The following TOPBP1 variants were observed in gnomAD, a reference collection of about 807,000 sequenced individuals.
TOPBP1 encodes the protein DNA topoisomerase II binding protein 1, also known as DNA topoisomerase 2-binding protein 1.
TOPBP1 carries 28 observed loss-of-function variants against 167.7 expected under a neutral mutation model. The ratio of observed to expected loss-of-function variants is 0.17; its 90% CI spans 0.12 to 0.23. TOPBP1 has a LOEUF of 0.23. Ranked by LOEUF, TOPBP1 falls within the 10% of genes least tolerant of loss-of-function variation. The pLI, the probability that TOPBP1 is intolerant of heterozygous loss-of-function variation, is 1.00. For missense variants in TOPBP1, 1,554 were observed against 1,809.6 expected, an observed-to-expected ratio of 0.86 and a Z score of 2.56; for synonymous variants, 598 against 611.4, an observed-to-expected ratio of 0.98 and a Z score of 0.32.
At chr3:133,656,941 G>A (rs2718801) in intron 4 of TOPBP1, 84 bp from the exon 5 acceptor site, 1,000,927 of 1,255,574 alleles carry the variant, frequency 0.8, 400,544 homozygotes, top group East Asian at 0.99. Context: ...AATACATTTT[G>A]CTGTTGACAG....
At chr3:133,614,516 T>A (rs1417471340) in intron 23 of TOPBP1, among the ~76,000 whole-genome samples, 3 of 152,200 alleles carry the variant, frequency 2.0e-5, no homozygotes, top group Non-Finnish European at 4.4e-5. Context: ...CTCTTTGCAT[T>A]CTAATATTGG....
At position 133,644,324 on chromosome 3, in the gene TOPBP1, G is replaced by A. The variant is rs1329522652; in HGVS notation, c.1544C>T (p.Ser515Phe). ...KTSEARPFND[S>F]THAEPLNDST... is the part of the protein sequence containing the mutation. The stretch of plus-strand genomic sequence containing the variant: ...ATCATTCAAGGGCTCAGCATGAGTA[G>A]AATCATTAAAGGGCCTGGCTTCAGA... Residue 515 changes from serine to phenylalanine, a missense_variant, in exon 11 of 28, where the codon TCT (serine) becomes TTT (phenylalanine). Coordinates refer to ENST00000260810, the MANE Select transcript of TOPBP1 (RefSeq NM_007027.4). 2 of 1,601,474 alleles carry A rather than the reference G, an allele frequency of 1.2e-6. No homozygotes were observed. Among genetic ancestry groups the A allele is most frequent in the Non-Finnish European group, 1.7e-6 (2 of 1,174,792 alleles).
At chr3:133,620,034 TG>T in intron 20 of TOPBP1, 120 bp downstream of exon 20, 1 of 1,051,346 alleles carries the variant, frequency 9.5e-7, no homozygotes, top group Non-Finnish European at 1.3e-6. Flanking sequence ...TACTGCATAT[TG>T]GGGAAAAAAA....
At chr3:133,651,981 T>A (rs758547232) in intron 8 of TOPBP1, among the ~76,000 whole-genome samples, 7 of 151,888 alleles carry the variant, frequency 4.6e-5, no homozygotes, top group Non-Finnish European at 8.8e-5. Context: ...AAAAAAATTT[T>A]AAAAATTAGC....
intron 4 of TOPBP1, among the ~76,000 whole-genome samples, chr3:133,657,465 T>C (rs369391647): frequency 3.3e-5 from 5 of 150,574 alleles, no homozygotes; most frequent in South Asian, 4.2e-4. Flanking sequence ...CACTGCAACC[T>C]CCACCTCCCT....
chr3:133,626,614 T>C (rs1198129815), intron 16 of TOPBP1, among the ~76,000 whole-genome samples: 1 of 152,214 alleles, frequency 6.6e-6, no homozygotes, highest in Non-Finnish European at 1.5e-5. Context: ...CTGCTACTCA[T>C]GGTATCTGAG....
intron 21 of TOPBP1, 163 bp from the exon 22 acceptor site, chr3:133,617,489 A>C (rs1934938338): frequency 1.6e-6 from 1 of 613,282 alleles, no homozygotes; most frequent in Admixed American, 3.8e-5. Context: ...CTTATAAATA[A>C]ATGCATCCCA....
intron 14 of TOPBP1, among the ~76,000 whole-genome samples, chr3:133,632,672 T>C (rs1935527020): frequency 6.6e-6 from 1 of 152,222 alleles, no homozygotes; most frequent in South Asian, 2.1e-4. Flanking sequence ...ACTTAAGAAG[T>C]AGATCCCAAT....
At chr3:133,610,910 T>G in intron 25 of TOPBP1, 94 bp downstream of exon 25, 7 of 1,340,836 alleles carry the variant, frequency 5.2e-6, no homozygotes, top group Non-Finnish European at 6.9e-6. Context: ...AGTAGAATCA[T>G]TATTTCCTGA....
intron 20 of TOPBP1, among the ~76,000 whole-genome samples, 162 bp downstream of exon 20, chr3:133,619,993 T>C (rs1935027478): frequency 6.6e-6 from 1 of 152,202 alleles, no homozygotes; most frequent in South Asian, 2.1e-4. Flanking sequence ...TATAACCCCT[T>C]CACTAGTCTT....
Position 133,640,127 on chromosome 3 carries a change from T to C in TOPBP1, c.2065A>G (p.Met689Val), listed in dbSNP as rs373470458. The C allele has an allele frequency of 1.9e-6, 3 of 1,613,798 alleles. No homozygotes were observed. Among genetic ancestry groups the C allele is most frequent in the African/African-American group, 1.3e-5 (1 of 75,054 alleles). Residue 689 changes from methionine (M) to valine (V), a missense_variant, in exon 13 of 28, where the codon ATG becomes GTG. Physicochemically the swap from Met to Val is conservative, Grantham distance 21 (BLOSUM62 1). Transcript: ENST00000260810. ...AGTATAAGATGAGTACTGGCAAACA[T>C]GCCTTTCTTTGCATTGGATTTGCGA... is the stretch of plus-strand genomic sequence containing the variant. ...FVRKSNAKKG[M>V]FASTHLILKE...
At chr3:133,631,716 G>A (rs1935487666) in intron 14 of TOPBP1, among the ~76,000 whole-genome samples, 1 of 152,140 alleles carries the variant, frequency 6.6e-6, no homozygotes, top group African/African-American at 2.4e-5. Context: ...TTGGTGCAAT[G>A]CAATCTCTGC....
In TOPBP1 at chr3:133,639,946, T is replaced by A; in HGVS notation, c.2233+13A>T. 7 of 1,611,134 alleles carry A rather than the reference T, an allele frequency of 4.3e-6. No individual in the cohort carries two copies. Among genetic ancestry groups the A allele is most frequent in the Non-Finnish European group, 5.9e-6 (7 of 1,178,142 alleles). ...TGTAAATATATATAAAAGAACAGAA[T>A]AAAAGTATTAACCTTCTTTAGTTGA... On this transcript the variant is annotated intron_variant, in intron 13 of 27. Transcript: ENST00000260810.
chr3:133,628,819 G>C (rs937250927), intron 14 of TOPBP1, 86 bp from the exon 15 acceptor site: 19 of 1,322,562 alleles, frequency 1.4e-5, no homozygotes, highest in Non-Finnish European at 8.3e-6. Context: ...GAAAAAGAAA[G>C]AGGAGGAGAG....
At chr3:133,645,954 C>T (rs1936061295) in intron 10 of TOPBP1, among the ~76,000 whole-genome samples, 1 of 152,020 alleles carries the variant, frequency 6.6e-6, no homozygotes, top group Non-Finnish European at 1.5e-5. Flanking sequence ...CAAGAGCAGC[C>T]TGGCCAACAT....
At chr3:133,654,893 T>C (rs1936424355) in intron 6 of TOPBP1, among the ~76,000 whole-genome samples, 1 of 152,238 alleles carries the variant, frequency 6.6e-6, no homozygotes. Flanking sequence ...AAGTAAAAGC[T>C]GTTCTGTAAA....
At chr3:133,653,213 T>A in intron 7 of TOPBP1, 132 bp downstream of exon 7, 1 of 859,384 alleles carries the variant, frequency 1.2e-6, no homozygotes, top group Middle Eastern at 3.6e-4. Flanking sequence ...TTGACTATTA[T>A]ACAATTATGC....
intron 14 of TOPBP1, among the ~76,000 whole-genome samples, chr3:133,632,062 C>T (rs1053229549): frequency 6.6e-6 from 1 of 152,220 alleles, no homozygotes; most frequent in Admixed American, 6.5e-5. Flanking sequence ...CTGAGGCCTC[C>T]CCAGTGGTGC....
At chr3:133,658,658 A>T (rs1048207941) in intron 3 of TOPBP1, among the ~76,000 whole-genome samples, 1 of 151,988 alleles carries the variant, frequency 6.6e-6, no homozygotes, top group African/African-American at 2.4e-5. Context: ...AAAATAAAAA[A>T]ATCAGCCGGG....
Sources: gnomAD v4.1 joint callset for allele counts (sites outside exome capture counted in the v4.1 genomes callset) on GRCh38, gnomAD v4.1.1 for gene constraint, MANE v1.5 for transcripts, NCBI Gene and HGNC (gene_info 2026-07-23, HGNC 2026-07-21) for gene names.